Variants in TNR observed in about 807,000 individuals in gnomAD.
TNR encodes tenascin-R.
In TNR, 45 loss-of-function variants were observed where a neutral mutation model predicts 150.4. The observed-to-expected ratio is 0.30, with a 90% CI of 0.24 to 0.38. The LOEUF is 0.38. Among genes scored for constraint, TNR ranks in the 10% least tolerant of loss-of-function variants. The pLI is 1.00. For synonymous variants in TNR, 687 were observed against 678.4 expected (o/e 1.01, Z -0.20); for missense variants, 1,544 against 1,759.1 (o/e 0.88, Z 2.19).
At chr1:175,701,344 A>G (rs923129806) in intron 1 of TNR, among the ~76,000 whole-genome samples, 5 of 152,156 alleles carry the variant, frequency 3.3e-5, no homozygotes, top group Admixed American at 6.5e-5. Context: ...GTGGCCTTGA[A>G]TAAGTCACCA....
At position 175,671,911 on chromosome 1, in the gene TNR, C is replaced by CTGTGTGTGTGTGTGTGTG. The variant is rs35804880; in HGVS notation, c.-165+71297_-165+71314dup. Among the ~76,000 whole-genome samples the CTGTGTGTGTGTGTGTGTG allele has an allele frequency of 6.2e-3, 876 of 142,082 alleles. 12 individuals carry two copies. The highest frequency in any genetic ancestry group is 0.021 in the African/African-American group (790 of 37,628). The allele number at this position is 142,082 out of a possible 152,430, so 93.2% of individuals were successfully genotyped here. A position where few individuals can be genotyped will look rare whatever the true frequency, so the allele number is the denominator to read the frequency against. On this transcript the variant is annotated intron_variant, in intron 1 of 22. Transcript: ENST00000367674. ...TCCAAGGGAGTCTTATGAGCTGTACCTGTGTGTGTGTGTGTGTGTGTGTGT... is the reference window on the plus strand; with the variant it reads ...TCCAAGGGAGTCTTATGAGCTGTACCTGTGTGTGTGTGTGTGTGTGTGTGTGTGTGTGTGTGTGTGTGT...
At chr1:175,368,610 A>G (rs1651942326) in intron 9 of TNR, among the ~76,000 whole-genome samples, 1 of 152,168 alleles carries the variant, frequency 6.6e-6, no homozygotes, top group African/African-American at 2.4e-5. Flanking sequence ...ATCTATTACA[A>G]CTGGCATCAA....
At chr1:175,662,553 A>G (rs1203910284) in intron 1 of TNR, among the ~76,000 whole-genome samples, 1 of 152,188 alleles carries the variant, frequency 6.6e-6, no homozygotes, top group African/African-American at 2.4e-5. Flanking sequence ...TCAGGTAGGC[A>G]GTTGATAATG....
In TNR at chr1:175,365,076, T is replaced by C; in HGVS notation, c.2521A>G (p.Ile841Val). The C allele has an allele frequency of 7.4e-6, 12 of 1,614,046 alleles. No individual in the cohort carries two copies. The highest frequency in any genetic ancestry group is 1.0e-5 in the Non-Finnish European group (12 of 1,179,986). ...CCATGGACAGCCACAAGGTTCACAA[T>C]ATACTCTGTGGCTGGTTGCAGGCCC... The part of the protein sequence containing the change: ...LMGLQPATEY[I>V]VNLVAVHGTV... The change falls in exon 12 of 23, where the codon ATT becomes GTT. Residue 841 changes from isoleucine to valine, a missense_variant. By Grantham distance (29) the Ile-to-Val change is conservative. Transcript: ENST00000367674.
At chr1:175,675,927 T>C (rs1157654641) in intron 1 of TNR, among the ~76,000 whole-genome samples, 1 of 152,116 alleles carries the variant, frequency 6.6e-6, no homozygotes, top group African/African-American at 2.4e-5. Flanking sequence ...ACATCACACC[T>C]GATTGTGGGG....
At position 175,324,458 on chromosome 1, in the gene TNR, A is replaced by T; in HGVS notation, c.3855T>A (p.Val1285=). ...PFSTEDRDND[V]AVTNCAMSYK... ...ACGACATGGCACAGTTAGTCACTGCAACATCATTGTCTCTATCCTCTGTGG... is the reference window on the plus strand; with the variant it reads ...ACGACATGGCACAGTTAGTCACTGCTACATCATTGTCTCTATCCTCTGTGG... The change falls in exon 22 of 23, where the codon GTT becomes GTA. Residue 1285 remains valine, a synonymous_variant. Transcript: ENST00000367674. The T allele has an allele frequency of 6.2e-7, 1 of 1,614,122 alleles. No individual in the cohort carries two copies. The highest frequency in any genetic ancestry group is 8.5e-7 in the Non-Finnish European group (1 of 1,180,008).
intron 2 of TNR, among the ~76,000 whole-genome samples, chr1:175,411,904 T>G (rs897358744): frequency 3.3e-5 from 5 of 151,982 alleles, no homozygotes; most frequent in Admixed American, 2.0e-4. Context: ...GCATTTTCCT[T>G]GTATTATTTT....
At chr1:175,677,883 T>A (rs1170735913) in intron 1 of TNR, among the ~76,000 whole-genome samples, 1 of 151,882 alleles carries the variant, frequency 6.6e-6, no homozygotes, top group East Asian at 1.9e-4. Flanking sequence ...TTTTATTAAG[T>A]AGAGAAGAAG....
chr1:175,356,780 G>T (rs989727624), intron 15 of TNR, among the ~76,000 whole-genome samples: 5 of 152,056 alleles, frequency 3.3e-5, no homozygotes, highest in Non-Finnish European at 5.9e-5. Context: ...TCCTAATCAA[G>T]TTCTCTCTCC....
At chr1:175,676,484 C>A (rs1665869767) in intron 1 of TNR, among the ~76,000 whole-genome samples, 1 of 152,098 alleles carries the variant, frequency 6.6e-6, no homozygotes, top group African/African-American at 2.4e-5. Context: ...GCAGGCCATG[C>A]AGACCTGGCT....
At chr1:175,622,618 G>A (rs1664017011) in intron 1 of TNR, among the ~76,000 whole-genome samples, 1 of 152,206 alleles carries the variant, frequency 6.6e-6, no homozygotes, top group Non-Finnish European at 1.5e-5. Flanking sequence ...CCTCTGGGAA[G>A]CTTTCCCAGA....
At chr1:175,380,514 C>T (rs770627560) in intron 8 of TNR, among the ~76,000 whole-genome samples, 16 of 150,680 alleles carry the variant, frequency 1.1e-4, no homozygotes, top group Admixed American at 2.0e-4. Flanking sequence ...GAGCTTGCAG[C>T]GAGCCGAGAT....
chr1:175,438,463 T>C (rs1655620640), intron 2 of TNR, among the ~76,000 whole-genome samples: 1 of 152,142 alleles, frequency 6.6e-6, no homozygotes, highest in South Asian at 2.1e-4. Flanking sequence ...CTTTGAAAAC[T>C]GGCAGAAGAC....
At chr1:175,661,798 C>T (rs1198812448) in intron 1 of TNR, among the ~76,000 whole-genome samples, 1 of 26,554 alleles carries the variant, frequency 3.8e-5, no homozygotes, top group Non-Finnish European at 1.1e-4. Flanking sequence ...CCTCCCCCCT[C>T]CCCCCACCCT....
At chr1:175,384,585 C>G (rs1652840484) in intron 8 of TNR, among the ~76,000 whole-genome samples, 1 of 152,204 alleles carries the variant, frequency 6.6e-6, no homozygotes, top group African/African-American at 2.4e-5. Context: ...TGTTTCCTTC[C>G]TAAGGCTCTT....
rs186498429 is a variant in TNR, at chr1:175,459,007, T to C, written c.-63-52230A>G. On this transcript the variant is annotated intron_variant, in intron 2 of 22. Transcript: ENST00000367674. ...ACAACCAAACCATCACCACCACCAC[T>C]ACCACCATCATCATTAACAACATCA... is the stretch of plus-strand genomic sequence containing the variant. Among the ~76,000 whole-genome samples, 359 of 150,814 alleles carry C rather than the reference T, an allele frequency of 2.4e-3. 2 individuals are homozygous for C. Among genetic ancestry groups the C allele is most frequent in the African/African-American group, 8.0e-3 (326 of 40,994 alleles).
At chr1:175,677,703 C>G (rs1030069889) in intron 1 of TNR, among the ~76,000 whole-genome samples, 5 of 152,132 alleles carry the variant, frequency 3.3e-5, no homozygotes, top group Admixed American at 3.3e-4. Context: ...CAGGCTAGAA[C>G]AAAGCCGTGT....
chr1:175,527,229 TG>T (rs1218521744), intron 2 of TNR, among the ~76,000 whole-genome samples: 1 of 152,140 alleles, frequency 6.6e-6, no homozygotes, highest in East Asian at 1.9e-4. Flanking sequence ...CCCTTAAGTG[TG>T]AATGGTTGAT....
intron 1 of TNR, among the ~76,000 whole-genome samples, chr1:175,690,134 G>A (rs553330713): frequency 1.1e-4 from 17 of 152,122 alleles, no homozygotes; most frequent in Admixed American, 7.2e-4. Flanking sequence ...GCTTAGATCC[G>A]GGCCAAAGCT....
Sources: gnomAD v4.1 joint callset for allele counts (sites outside exome capture counted in the v4.1 genomes callset) on GRCh38, gnomAD v4.1.1 for gene constraint, MANE v1.5 for transcripts, NCBI Gene and HGNC (gene_info 2026-07-23, HGNC 2026-07-21) for gene names.